The following BMP2K variants were observed in gnomAD, a reference collection of about 807,000 sequenced individuals.
BMP2K encodes BMP2 inducible kinase, also known as BMP-2-inducible protein kinase.
BMP2K carries 74 observed loss-of-function variants against 116.0 expected under a neutral mutation model. The ratio of observed to expected loss-of-function variants is 0.64; its 90% CI spans 0.53 to 0.77. BMP2K has a LOEUF of 0.77. Ranked by LOEUF, BMP2K falls within the 30% of genes least tolerant of loss-of-function variation. The pLI is 0.00. For synonymous variants in BMP2K, 486 were observed against 502.5 expected, an observed-to-expected ratio of 0.97 and a Z score of 0.44; for missense variants, 1,365 against 1,403.6, an observed-to-expected ratio of 0.97 and a Z score of 0.44.
At chr4:78,825,190 G>A (rs979754530) in intron 1 of BMP2K, among the ~76,000 whole-genome samples, 1 of 152,036 alleles carries the variant, frequency 6.6e-6, no homozygotes, top group African/African-American at 2.4e-5. Flanking sequence ...GGCAACAAGA[G>A]TGAAACTCCA....
At chr4:78,866,299 G>T (rs543286004) in intron 10 of BMP2K, among the ~76,000 whole-genome samples, 1 of 152,266 alleles carries the variant, frequency 6.6e-6, no homozygotes. Context: ...TTTTCTCAAG[G>T]ATCTGGGAGT....
chr4:78,805,980 A>G (rs943557024), intron 1 of BMP2K, among the ~76,000 whole-genome samples: 3 of 152,158 alleles, frequency 2.0e-5, no homozygotes, highest in Non-Finnish European at 4.4e-5. Context: ...CACAAAAAAG[A>G]AAAAGAAATA....
chr4:78,784,218 TC>T (rs1216016099), intron 1 of BMP2K, among the ~76,000 whole-genome samples: 8 of 152,372 alleles, frequency 5.3e-5, no homozygotes, highest in African/African-American at 1.9e-4. Flanking sequence ...CCAATAGAGC[TC>T]ATTTGGTAGT....
intron 8 of BMP2K, 54 bp from the exon 9 acceptor site, chr4:78,861,335 T>C (rs1247462404): frequency 2.8e-6 from 4 of 1,425,548 alleles, no homozygotes; most frequent in Admixed American, 2.2e-5. Flanking sequence ...ACAAAAACTT[T>C]CTGCAATTAA....
chr4:78,877,116 G>A (rs1732670603), intron 13 of BMP2K, among the ~76,000 whole-genome samples: 1 of 152,046 alleles, frequency 6.6e-6, no homozygotes, highest in Admixed American at 6.5e-5. Context: ...TTTTCTGGGT[G>A]GGTCAATGAG....
intron 15 of BMP2K, among the ~76,000 whole-genome samples, chr4:78,902,049 T>G (rs1734034485): frequency 6.6e-6 from 1 of 152,190 alleles, no homozygotes; most frequent in African/African-American, 2.4e-5. Context: ...TGGGCCATTT[T>G]ATAAGCTACA....
At chr4:78,845,784 A>T (rs190769062) in intron 5 of BMP2K, among the ~76,000 whole-genome samples, 1 of 151,610 alleles carries the variant, frequency 6.6e-6, no homozygotes, top group African/African-American at 2.4e-5. Context: ...CAAATTCTCT[A>T]TTGCCTAATA....
At chr4:78,778,319 T>TA (rs1207741390) in intron 1 of BMP2K, among the ~76,000 whole-genome samples, 3 of 152,062 alleles carry the variant, frequency 2.0e-5, no homozygotes, top group Non-Finnish European at 2.9e-5. Context: ...CCATTTTCAA[T>TA]AAAAAAATAA....
At chr4:78,876,255 GT>G (rs953637957) in intron 13 of BMP2K, among the ~76,000 whole-genome samples, 36 of 146,368 alleles carry the variant, frequency 2.5e-4, no homozygotes, top group African/African-American at 6.2e-4. Context: ...ACTGTGATCT[GT>G]TTTTTTTTTT....
At position 78,780,082 on chromosome 4, in the gene BMP2K, G is replaced by T. The variant is rs1033844996; in HGVS notation, c.178+3361G>T. The stretch of plus-strand genomic sequence containing the variant: ...TTCCAAGTTTTTACTAAAACCTGGG[G>T]TTGGCTTGTTGACCACATGCATCAC... On this transcript the variant is annotated intron_variant, in intron 1 of 15. Coordinates refer to ENST00000502613, the MANE Select transcript of BMP2K (RefSeq NM_198892.2). Among the ~76,000 whole-genome samples the T allele has an allele frequency of 2.6e-5, 4 of 152,282 alleles. No individual in the cohort carries two copies. In the East Asian group the frequency reaches 7.7e-4, roughly 29 times the overall value.
At chr4:78,902,730 A>C (rs1160198817) in intron 15 of BMP2K, among the ~76,000 whole-genome samples, 1 of 152,144 alleles carries the variant, frequency 6.6e-6, no homozygotes, top group Non-Finnish European at 1.5e-5. Context: ...TTATAACTAA[A>C]AGAACAACTG....
intron 15 of BMP2K, among the ~76,000 whole-genome samples, chr4:78,894,398 A>T: frequency 6.6e-6 from 1 of 152,210 alleles, no homozygotes; most frequent in East Asian, 1.9e-4. Flanking sequence ...CTTCCGGATA[A>T]CTTGTTACAC....
rs1301069937 is a variant in BMP2K, at chr4:78,898,227, G to A, written c.2062+10943G>A. ...CTCCCAAAGACCCTAGACCCACCCT[G>A]TGGGCTTTATTATCTAATAGGAAGT... On this transcript the variant is annotated intron_variant, in intron 15 of 15. Transcript: ENST00000502613. 1.1e-4 allele frequency among the ~76,000 whole-genome samples: 16 copies of A among 152,254 alleles called. No individual in the cohort carries two copies. In the East Asian group the frequency reaches 1.9e-3, roughly 18 times the overall value.
chr4:78,864,539 T>C (rs1440649325), intron 9 of BMP2K, among the ~76,000 whole-genome samples: 11 of 149,712 alleles, frequency 7.3e-5, no homozygotes, highest in African/African-American at 2.8e-4. Context: ...AATTCTAAGA[T>C]CTTTTGATTC....
In BMP2K at chr4:78,911,204, C is replaced by T. The variant is rs763986807; in HGVS notation, c.2657C>T (p.Pro886Leu). 79 of 1,613,654 alleles carry T rather than the reference C, an allele frequency of 4.9e-5. No homozygotes were observed. Among genetic ancestry groups the T allele is most frequent in the Non-Finnish European group, 6.6e-5 (78 of 1,179,802 alleles). Reference protein sequence around the residue: ...NEKNLPQHRFPAAGLEQEEFD... With the variant: ...NEKNLPQHRFLAAGLEQEEFD... ...AAGAACCTCCCTCAACACAGGTTTC[C>T]TGCTGCAGGACTGGAGCAGGAGGAA... Residue 886 changes from proline to leucine, a missense_variant, in exon 16 of 16, where the codon CCT becomes CTT. By Grantham distance (98) the Pro-to-Leu change is moderately conservative. This residue lies in a region of BMP2K where 596 missense variants were observed against 623.2 expected (regional missense o/e 0.96). Coordinates refer to ENST00000502613, the MANE Select transcript of BMP2K (RefSeq NM_198892.2).
chr4:78,911,257 A>T lies in BMP2K; in HGVS notation c.2710A>T (p.Ser904Cys). 6.2e-7 allele frequency: 1 copy of T among 1,614,038 alleles called. No individual in the cohort carries two copies. The highest frequency in any genetic ancestry group is 8.5e-7 in the Non-Finnish European group (1 of 1,179,900). ...TGATGTATTCACAAAGGCGCCTTTT[A>T]GCAAGAAGGTGAATGTACAAGAATG... ...EFDVFTKAPF[S>C]KKVNVQECHA... Residue 904 changes from serine to cysteine, a missense_variant, in exon 16 of 16, where the codon AGC (serine) becomes TGC (cysteine). Physicochemically the swap from Ser to Cys is moderately radical, Grantham distance 112. Coordinates refer to ENST00000502613, the MANE Select transcript of BMP2K (RefSeq NM_198892.2).
At chr4:78,850,011 T>G (rs1731172348) in intron 6 of BMP2K, among the ~76,000 whole-genome samples, 1 of 151,758 alleles carries the variant, frequency 6.6e-6, no homozygotes, top group Non-Finnish European at 1.5e-5. Flanking sequence ...AGGCCAAGTT[T>G]CGGTATTGCT....
chr4:78,861,448 G>C lies in BMP2K; in HGVS notation c.1047G>C (p.Arg349Ser), dbSNP rs765865666. Residue 349 changes from arginine to serine, a missense_variant, in exon 9 of 16, where the codon AGG (arginine) becomes AGC (serine). Physicochemically the swap from Arg to Ser is moderately radical, Grantham distance 110. Transcript: ENST00000502613. The stretch of plus-strand genomic sequence containing the variant: ...TGACTGCTAGTGAAGCAGCTGCTAG[G>C]AAAAGCCAAATAAAAGCCAGGTAGG... ...EPMTASEAAA[R>S]KSQIKARITD... 2.5e-6 allele frequency: 4 copies of C among 1,607,954 alleles called. No individual in the cohort carries two copies. In the East Asian group the frequency reaches 6.7e-5, roughly 27 times the overall value.
intron 1 of BMP2K, among the ~76,000 whole-genome samples, chr4:78,801,687 C>G (rs2109956020): frequency 6.6e-6 from 1 of 152,228 alleles, no homozygotes; most frequent in Non-Finnish European, 1.5e-5. Flanking sequence ...GACATATATA[C>G]TTTTTCTGTT....
Sources: allele counts gnomAD v4.1 joint callset (sites outside exome capture counted in the v4.1 genomes callset), GRCh38; gene constraint gnomAD v4.1.1; regional missense constraint gnomAD v4.1.1; transcripts MANE v1.5; gene names NCBI Gene and HGNC (gene_info 2026-07-23, HGNC 2026-07-21).